Variants in ACSS1 observed in about 807,000 individuals in gnomAD.
ACSS1 encodes acyl-CoA synthetase short chain family member 1.
Under a neutral mutation model 75.3 loss-of-function variants are expected in ACSS1, and 42 were observed. The observed-to-expected ratio is 0.56, with a 90% CI of 0.44 to 0.72. The LOEUF is 0.72. Ranked by LOEUF, ACSS1 falls within the 30% of genes least tolerant of loss-of-function variation. ACSS1 has a pLI of 0.00. For synonymous variants in ACSS1, 380 were observed against 376.8 expected, an observed-to-expected ratio of 1.01 and a Z score of -0.10; for missense variants, 782 against 935.7, an observed-to-expected ratio of 0.84 and a Z score of 2.14.
At chr20:25,046,890 G>T (rs6083730) in intron 2 of ACSS1, 1 of 779,504 alleles carries the variant, frequency 1.3e-6, no homozygotes, top group South Asian at 1.3e-5. Flanking sequence ...TAAGAAATGC[G>T]TGCTGTATAG....
rs138236100 is a variant in ACSS1 at position 25,054,152 on chromosome 20, T to C, written c.334+3617A>G. 9.8e-5 allele frequency among the ~76,000 whole-genome samples: 15 copies of C among 152,366 alleles called. No individual in the cohort carries two copies. The East Asian group carries it at 2.9e-3, about 29-fold the overall frequency. ...GAGTCTCAGACACCATAACCTCAAC[T>C]GGCTATTGGAGTTGTGGGATGGGCA... On this transcript the variant is annotated intron_variant, in intron 1 of 13. Coordinates refer to ENST00000323482, the MANE Select transcript of ACSS1 (RefSeq NM_032501.4).
intron 3 of ACSS1, among the ~76,000 whole-genome samples, chr20:25,029,251 C>A (rs1271965516): frequency 6.6e-6 from 1 of 152,100 alleles, no homozygotes; most frequent in African/African-American, 2.4e-5. Context: ...TGAAAACATA[C>A]AAATGGCCAA....
chr20:25,027,343 G>T (rs894179438), intron 3 of ACSS1, among the ~76,000 whole-genome samples: 1 of 152,106 alleles, frequency 6.6e-6, no homozygotes, highest in Non-Finnish European at 1.5e-5. Context: ...CTATAGAAAA[G>T]AAAACTACAG....
chr20:25,052,154 AG>A (rs1416291692), intron 1 of ACSS1, among the ~76,000 whole-genome samples: 2 of 152,176 alleles, frequency 1.3e-5, no homozygotes, highest in East Asian at 3.9e-4. Context: ...GGTAGAAAGG[AG>A]GGGGAGGAAG....
At chr20:25,024,453 G>A (rs958307941) in intron 3 of ACSS1, among the ~76,000 whole-genome samples, 1 of 152,184 alleles carries the variant, frequency 6.6e-6, no homozygotes, top group African/African-American at 2.4e-5. Flanking sequence ...AAGAGCCTGG[G>A]ACAAATGCCC....
At chr20:25,038,143 G>A (rs1230919271) in intron 2 of ACSS1, among the ~76,000 whole-genome samples, 1 of 152,188 alleles carries the variant, frequency 6.6e-6, no homozygotes, top group East Asian at 1.9e-4. Context: ...TGCCAGCTCA[G>A]CCAGTAACAA....
intron 2 of ACSS1, among the ~76,000 whole-genome samples, chr20:25,038,450 C>G (rs2088950105): frequency 6.6e-6 from 1 of 152,158 alleles, no homozygotes; most frequent in Non-Finnish European, 1.5e-5. Flanking sequence ...AAACAGTGGC[C>G]ATAATGACTG....
Position 25,007,754 on chromosome 20 carries a change from G to A in ACSS1, c.*8C>T. On this transcript the variant is annotated 3_prime_UTR_variant, in exon 14 of 14. Coordinates refer to ENST00000323482, the MANE Select transcript of ACSS1 (RefSeq NM_032501.4). ...CCGCCCATCCCAAGAGCCCCACAAGGTGCCAGCTCACTTAGCAGCAGCCTG... is the reference window on the plus strand; with the variant it reads ...CCGCCCATCCCAAGAGCCCCACAAGATGCCAGCTCACTTAGCAGCAGCCTG... The A allele has an allele frequency of 1.2e-6, 2 of 1,613,642 alleles. No homozygotes were observed. The highest frequency in any genetic ancestry group is 1.7e-6 in the Non-Finnish European group (2 of 1,179,724).
intron 1 of ACSS1, among the ~76,000 whole-genome samples, chr20:25,056,863 C>A (rs2089249516): frequency 6.6e-6 from 1 of 152,048 alleles, no homozygotes; most frequent in Non-Finnish European, 1.5e-5. Context: ...CCCAGGCCCA[C>A]CCTGCATCCG....
chr20:25,049,993 C>G (rs1169437939), intron 1 of ACSS1, among the ~76,000 whole-genome samples: 1 of 152,006 alleles, frequency 6.6e-6, no homozygotes, highest in East Asian at 1.9e-4. Flanking sequence ...GAAGACAGAA[C>G]AGTTGAGAAG....
intron 1 of ACSS1, among the ~76,000 whole-genome samples, chr20:25,050,753 A>G (rs892641954): frequency 1.3e-5 from 2 of 152,048 alleles, no homozygotes; most frequent in Admixed American, 1.3e-4. Flanking sequence ...GTGACTGCCC[A>G]ACTTCAAACA....
In ACSS1 at chr20:25,023,096, G is replaced by T; in HGVS notation, c.808-4C>A. ...CAGGGTCCTCCTTGGCCATTTCCTGGCAGGGAGAAGAAACAAACAGCCCAC... is the reference window on the plus strand; with the variant it reads ...CAGGGTCCTCCTTGGCCATTTCCTGTCAGGGAGAAGAAACAAACAGCCCAC... On this transcript the variant is annotated splice_region_variant and splice_polypyrimidine_tract_variant and intron_variant, in intron 4 of 13. Transcript: ENST00000323482. 3 of 1,609,686 alleles carry T rather than the reference G, an allele frequency of 1.9e-6. No homozygotes were observed. Among genetic ancestry groups the T allele is most frequent in the Non-Finnish European group, 2.5e-6 (3 of 1,177,692 alleles).
chr20:25,013,694 G>A (rs770653361), intron 9 of ACSS1, 32 bp from the exon 10 acceptor site: 24 of 1,576,702 alleles, frequency 1.5e-5, no homozygotes, highest in Non-Finnish European at 2.0e-5. Context: ...GTGAGACAGG[G>A]CAGGCTCTGG....
rs1053561796 is a variant in ACSS1, at chr20:25,018,882, C to T, written c.1246+1128G>A. Among the ~76,000 whole-genome samples the T allele has an allele frequency of 5.3e-5, 8 of 152,300 alleles. No individual in the cohort carries two copies. In the South Asian group the frequency reaches 1.2e-3, roughly 24 times the overall value. On this transcript the variant is annotated intron_variant, in intron 7 of 13. Transcript: ENST00000323482. ...CTCCATTAATCATCTCCATGCTGAA[C>T]ATTATACTAAGGCTCACATCTGACC...
In ACSS1 at chr20:25,012,635, A is replaced by T; in HGVS notation, c.1737T>A (p.Ala579=). 3.7e-6 allele frequency: 6 copies of T among 1,614,214 alleles called. No homozygotes were observed. Among genetic ancestry groups the T allele is most frequent in the Non-Finnish European group, 5.1e-6 (6 of 1,180,040 alleles). ...TGATGTCGTGGGGGTAGCCAATGAC[A>T]GCACTTTCTGGTACTGCAGGGTGGT... ...IADHPAVPES[A]VIGYPHDIKG... The change falls in exon 12 of 14, where the codon GCT becomes GCA. Residue 579 remains alanine (A), a synonymous_variant. Coordinates refer to ENST00000323482, the MANE Select transcript of ACSS1 (RefSeq NM_032501.4).
chr20:25,047,877 G>A (rs1476324041), intron 2 of ACSS1, among the ~76,000 whole-genome samples: 1 of 152,162 alleles, frequency 6.6e-6, no homozygotes, highest in Non-Finnish European at 1.5e-5. Flanking sequence ...CTCACAAGGC[G>A]CTGAGAGTGT....
At chr20:25,036,363 A>G (rs1040266465) in intron 2 of ACSS1, among the ~76,000 whole-genome samples, 4 of 152,314 alleles carry the variant, frequency 2.6e-5, no homozygotes, top group African/African-American at 7.2e-5. Flanking sequence ...CTAAAGATAC[A>G]ATCTGACTGC....
In ACSS1 at chr20:25,053,060, C is replaced by CTTTTT. The variant is rs1171891974; in HGVS notation, c.334+4704_334+4708dup. On this transcript the variant is annotated intron_variant, in intron 1 of 13. Coordinates refer to ENST00000323482, the MANE Select transcript of ACSS1 (RefSeq NM_032501.4). ...ATACGGAGTTACTATTCACAATGAG[C>CTTTTT]TTTTTTTTTTTTTTTTTTTTTGAGA... Among the ~76,000 whole-genome samples, 125 of 118,118 alleles carry CTTTTT rather than the reference C, an allele frequency of 1.1e-3. 2 individuals are homozygous for CTTTTT. Among genetic ancestry groups the CTTTTT allele is most frequent in the African/African-American group, 4.4e-3 (119 of 27,098 alleles). The allele number at this position is 118,118 out of a possible 152,430, so 77.5% of individuals were successfully genotyped here.
At chr20:25,043,522 A>G (rs1286615082) in intron 2 of ACSS1, among the ~76,000 whole-genome samples, 1 of 152,228 alleles carries the variant, frequency 6.6e-6, no homozygotes, top group Non-Finnish European at 1.5e-5. Flanking sequence ...CCAGCCCAGC[A>G]CAGCACACCC....
Sources: allele counts gnomAD v4.1 joint callset (sites outside exome capture counted in the v4.1 genomes callset), GRCh38; gene constraint gnomAD v4.1.1; transcripts MANE v1.5; gene names NCBI Gene and HGNC (gene_info 2026-07-23, HGNC 2026-07-21).